MIS18A: variants seen among roughly 807,000 people sequenced by gnomAD.
The protein encoded by MIS18A is protein Mis18-alpha.
In MIS18A, 14 loss-of-function variants were observed where a neutral mutation model predicts 25.0. That is an observed-to-expected ratio of 0.56 (90% confidence interval 0.37 to 0.88). The LOEUF is 0.88. MIS18A is among the 40% of genes least tolerant of loss of function. The pLI is 0.00. For synonymous variants in MIS18A, 134 were observed against 118.6 expected (o/e 1.13, Z -0.84); for missense variants, 292 against 290.8 (o/e 1.00, Z -0.03).
At chr21:32,240,121 G>A in the MIS18A span, among the ~76,000 whole-genome samples, 5 of 152,218 alleles carry the variant, frequency 3.3e-5, no homozygotes, top group Non-Finnish European at 5.9e-5. Flanking sequence ...TGCTGCGAAC[G>A]TTGCATCGCA....
chr21:32,192,724 G>A, the MIS18A span, among the ~76,000 whole-genome samples: 1 of 152,200 alleles, frequency 6.6e-6, no homozygotes, highest in Non-Finnish European at 1.5e-5. Context: ...TACATCTCAG[G>A]TGCCTCCAAA....
chr21:32,252,953 G>A, the MIS18A span, among the ~76,000 whole-genome samples: 10 of 152,200 alleles, frequency 6.6e-5, no homozygotes, highest in East Asian at 1.2e-3. Context: ...AGTGCACAGT[G>A]AGCATCTACT....
chr21:32,201,305 A>C, the MIS18A span, among the ~76,000 whole-genome samples: 2 of 152,282 alleles, frequency 1.3e-5, no homozygotes, highest in Admixed American at 6.5e-5. Flanking sequence ...GACAGAGGAT[A>C]AATAGAGGAA....
intron 2 of MIS18A, 101 bp downstream of exon 2, chr21:32,274,729 A>G: frequency 1.1e-6 from 1 of 912,996 alleles, no homozygotes; most frequent in Non-Finnish European, 1.7e-6. Context: ...ACTATCATGA[A>G]AAGTTTTATC....
chr21:32,276,145 A>G (rs900555189), intron 1 of MIS18A, among the ~76,000 whole-genome samples: 1 of 152,178 alleles, frequency 6.6e-6, no homozygotes, highest in Non-Finnish European at 1.5e-5. Context: ...AAAAGCAAAG[A>G]GCGTGACCAA....
the MIS18A span, among the ~76,000 whole-genome samples, chr21:32,167,406 G>T: frequency 1.3e-5 from 2 of 152,140 alleles, no homozygotes; most frequent in African/African-American, 4.8e-5. Flanking sequence ...ACCAGATGAA[G>T]TTTTCACCCA....
At chr21:32,234,721 T>C in the MIS18A span, among the ~76,000 whole-genome samples, 1 of 152,144 alleles carries the variant, frequency 6.6e-6, no homozygotes, top group South Asian at 2.1e-4. Flanking sequence ...TCTCTCATCA[T>C]GTGACATGCA....
the MIS18A span, among the ~76,000 whole-genome samples, chr21:32,238,903 C>A: frequency 6.6e-6 from 1 of 152,084 alleles, no homozygotes; most frequent in Non-Finnish European, 1.5e-5. Context: ...GTCAAAGTGT[C>A]TAAATAATCA....
chr21:32,169,696 C>T, the MIS18A span, among the ~76,000 whole-genome samples: 1 of 152,064 alleles, frequency 6.6e-6, no homozygotes, highest in Non-Finnish European at 1.5e-5. Context: ...CAGAGCCCCT[C>T]AACTTAAAAT....
chr21:32,265,416 G>A (rs562303820), downstream of MIS18A, among the ~76,000 whole-genome samples: 20 of 152,336 alleles, frequency 1.3e-4, no homozygotes, highest in Non-Finnish European at 2.5e-4. Context: ...AGTGGGCCCC[G>A]CACTTGGAGC....
At chr21:32,168,308 A>G in the MIS18A span, among the ~76,000 whole-genome samples, 2 of 152,200 alleles carry the variant, frequency 1.3e-5, no homozygotes, top group African/African-American at 2.4e-5. Context: ...GCAGACAAAA[A>G]CATATGTCAT....
chr21:32,221,630 A>C, the MIS18A span, among the ~76,000 whole-genome samples: 1 of 151,986 alleles, frequency 6.6e-6, no homozygotes, highest in African/African-American at 2.4e-5. Context: ...CTGTAATCCC[A>C]GCATTTTGGG....
At chr21:32,159,860 G>A in the MIS18A span, among the ~76,000 whole-genome samples, 10 of 152,294 alleles carry the variant, frequency 6.6e-5, no homozygotes, top group East Asian at 1.9e-3. Flanking sequence ...AGATTGTGGA[G>A]ACCAAGTTTT....
chr21:32,167,509 G>A, the MIS18A span, among the ~76,000 whole-genome samples: 1 of 152,164 alleles, frequency 6.6e-6, no homozygotes, highest in East Asian at 1.9e-4. Flanking sequence ...GTTAATAGTA[G>A]ATTAAACATA....
the MIS18A span, among the ~76,000 whole-genome samples, chr21:32,155,129 G>A: frequency 6.6e-6 from 1 of 152,146 alleles, no homozygotes; most frequent in South Asian, 2.1e-4. Flanking sequence ...ATTTTATCCT[G>A]TTAGTAAATG....
At chr21:32,160,029 T>C in the MIS18A span, among the ~76,000 whole-genome samples, 4 of 152,164 alleles carry the variant, frequency 2.6e-5, no homozygotes, top group Admixed American at 2.0e-4. Flanking sequence ...CTCTATAGAA[T>C]GTGGATTTTT....
At chr21:32,184,954 C>T in the MIS18A span, among the ~76,000 whole-genome samples, 1 of 152,262 alleles carries the variant, frequency 6.6e-6, no homozygotes, top group South Asian at 2.1e-4. Flanking sequence ...TCCCACCAGA[C>T]TTTCTCTTAC....
At chr21:32,216,236 C>A in the MIS18A span, among the ~76,000 whole-genome samples, 1 of 152,164 alleles carries the variant, frequency 6.6e-6, no homozygotes, top group Admixed American at 6.5e-5. Flanking sequence ...TACCCGTACC[C>A]CCAGATTTGC....
chr21:32,183,869 G>A, the MIS18A span, among the ~76,000 whole-genome samples: 1 of 152,232 alleles, frequency 6.6e-6, no homozygotes, highest in African/African-American at 2.4e-5. Flanking sequence ...CACCACACCT[G>A]AATGCAGTTC....
Sources: gnomAD v4.1 joint callset for allele counts (sites outside exome capture counted in the v4.1 genomes callset) on GRCh38, gnomAD v4.1.1 for gene constraint, MANE v1.5 for transcripts, NCBI Gene and HGNC (gene_info 2026-07-23, HGNC 2026-07-21) for gene names.